Variants in EPM2A observed in about 807,000 individuals in gnomAD.
The protein encoded by EPM2A is EPM2A glucan phosphatase, laforin.
A neutral mutation model predicts 26.5 loss-of-function variants in EPM2A; 21 were observed. The ratio of observed to expected loss-of-function variants is 0.79; its 90% confidence interval spans 0.56 to 1.14. The LOEUF is 1.14. Among genes scored for constraint, EPM2A ranks in the 50% most tolerant of loss-of-function variants. The probability of loss-of-function intolerance (pLI) is 0.00; values close to 1 mark genes in which losing one functional copy is unlikely to be tolerated. For synonymous variants in EPM2A, 217 were observed against 177.6 expected, an observed-to-expected ratio of 1.22 and a Z score of -1.76; for missense variants, 458 against 440.8, an observed-to-expected ratio of 1.04 and a Z score of -0.35.
chr6:145,595,216 T>A (rs1028120037), intron 2 of EPM2A, among the ~76,000 whole-genome samples: 3 of 151,964 alleles, frequency 2.0e-5, no homozygotes, highest in Admixed American at 6.5e-5. Flanking sequence ...TATTTTGTAT[T>A]CTCTATTTTA....
intron 2 of EPM2A, among the ~76,000 whole-genome samples, chr6:145,657,693 A>G (rs1405539001): frequency 6.6e-6 from 1 of 152,246 alleles, no homozygotes; most frequent in Non-Finnish European, 1.5e-5. Flanking sequence ...TGGTGGTCAG[A>G]GGCTGCCACA....
chr6:145,445,519 G>C (rs1370565468), intron 4 of EPM2A, among the ~76,000 whole-genome samples: 1 of 152,192 alleles, frequency 6.6e-6, no homozygotes, highest in Non-Finnish European at 1.5e-5. Context: ...ATGGGAAGGG[G>C]AAGTGTAGGA....
At chr6:145,509,625 G>A (rs966630909) in intron 2 of EPM2A, among the ~76,000 whole-genome samples, 3 of 152,040 alleles carry the variant, frequency 2.0e-5, no homozygotes, top group South Asian at 2.1e-4. Flanking sequence ...TTGCTACCAC[G>A]AAAGCACACA....
At chr6:145,505,793 A>C (rs759031751) in intron 2 of EPM2A, among the ~76,000 whole-genome samples, 1 of 152,238 alleles carries the variant, frequency 6.6e-6, no homozygotes, top group Non-Finnish European at 1.5e-5. Flanking sequence ...ATTATAATGC[A>C]TCACCAAGAT....
intron 1 of EPM2A, among the ~76,000 whole-genome samples, chr6:145,706,762 G>A (rs2128629255): frequency 6.6e-6 from 1 of 152,292 alleles, no homozygotes; most frequent in East Asian, 1.9e-4. Context: ...ATTTTATATT[G>A]TATAATTGCT....
chr6:145,471,442 G>A (rs184477112), intron 4 of EPM2A, among the ~76,000 whole-genome samples: 5 of 152,198 alleles, frequency 3.3e-5, no homozygotes, highest in Non-Finnish European at 7.4e-5. Context: ...ACAATCATGA[G>A]AATGAAAAAT....
intron 4 of EPM2A, among the ~76,000 whole-genome samples, chr6:145,435,856 A>G (rs986480866): frequency 5.9e-5 from 9 of 152,068 alleles, no homozygotes; most frequent in African/African-American, 2.2e-4. Context: ...CTAAAAATAT[A>G]GAGAGTTTTT....
intron 4 of EPM2A, among the ~76,000 whole-genome samples, chr6:145,419,090 G>A (rs950240566): frequency 6.6e-6 from 1 of 151,938 alleles, no homozygotes; most frequent in African/African-American, 2.4e-5. Context: ...TGCAGAATGA[G>A]GATTCTCAAC....
Position 145,627,189 on chromosome 6 carries a change from T to A in EPM2A, c.*227A>T, listed in dbSNP as rs1411883780. 1.1e-5 allele frequency: 16 copies of A among 1,425,214 alleles called. No individual in the cohort carries two copies. Among genetic ancestry groups the A allele is most frequent in the Non-Finnish European group, 1.5e-5 (16 of 1,094,346 alleles). The allele number at this position is 1,425,214 out of a possible 1,614,324, so 88.3% of individuals were successfully genotyped here. A position where few individuals can be genotyped will look rare whatever the true frequency, so the allele number is the denominator to read the frequency against. ...TCTGTCTGATGTACAGCCTAACTGC[T>A]TCGTGCTTCTTCTCATGTGTTGAGC... On this transcript the variant is annotated 3_prime_UTR_variant, in exon 4 of 4. Transcript: ENST00000367519.
chr6:145,665,805 G>C (rs1779134132), intron 2 of EPM2A, among the ~76,000 whole-genome samples: 1 of 129,398 alleles, frequency 7.7e-6, no homozygotes, highest in Admixed American at 8.2e-5. Context: ...ACATCAAAAA[G>C]CTTATCCACC....
intron 2 of EPM2A, among the ~76,000 whole-genome samples, chr6:145,679,721 C>A (rs1462046152): frequency 1.3e-5 from 2 of 152,066 alleles, no homozygotes; most frequent in African/African-American, 4.8e-5. Context: ...CTGCAGGCTT[C>A]TTCGTTTACG....
intron 2 of EPM2A, among the ~76,000 whole-genome samples, chr6:145,522,465 C>A (rs1293274216): frequency 1.3e-5 from 2 of 152,096 alleles, no homozygotes; most frequent in East Asian, 3.9e-4. Flanking sequence ...CCTGGACTTA[C>A]TAGACTCTTC....
intron 4 of EPM2A, among the ~76,000 whole-genome samples, chr6:145,480,181 TAAA>T (rs745471211): frequency 2.1e-5 from 3 of 145,784 alleles, no homozygotes; most frequent in African/African-American, 7.9e-5. Context: ...GTAATTTATT[TAAA>T]AAAAAAAGAG....
At chr6:145,487,828 T>A (rs1161286391) in intron 4 of EPM2A, among the ~76,000 whole-genome samples, 1 of 152,096 alleles carries the variant, frequency 6.6e-6, no homozygotes, top group Non-Finnish European at 1.5e-5. Context: ...TTAGGTAGAT[T>A]CCATTTGTCA....
At chr6:145,538,346 A>T (rs955479825) in intron 2 of EPM2A, among the ~76,000 whole-genome samples, 6 of 152,236 alleles carry the variant, frequency 3.9e-5, no homozygotes, top group Non-Finnish European at 1.5e-5. Flanking sequence ...GAACTTGGAA[A>T]TAAGAGCTAT....
In EPM2A at chr6:145,625,431, T is replaced by A; in HGVS notation, c.*1985A>T. On this transcript the variant is annotated 3_prime_UTR_variant, in exon 4 of 4. Coordinates refer to ENST00000367519, the MANE Select transcript of EPM2A (RefSeq NM_005670.4). ...TTAATAGTCCTAAACTGATTTTGTC[T>A]ATCAGAGCAAAAGGAACAAAGGTAA... 2.2e-6 allele frequency: 1 copy of A among 447,776 alleles called. No individual in the cohort carries two copies. The highest frequency in any genetic ancestry group is 4.0e-6 in the Non-Finnish European group (1 of 250,118). The allele number at this position is 447,776 out of a possible 1,614,324, so 27.7% of individuals were successfully genotyped here.
intron 2 of EPM2A, among the ~76,000 whole-genome samples, chr6:145,587,794 A>G (rs1781217867): frequency 6.6e-6 from 1 of 152,232 alleles, no homozygotes; most frequent in Non-Finnish European, 1.5e-5. Context: ...GGGTTAAAGA[A>G]ACTTTTAGTG....
intron 1 of EPM2A, among the ~76,000 whole-genome samples, chr6:145,709,988 C>A (rs987725692): frequency 1.3e-5 from 2 of 152,128 alleles, no homozygotes; most frequent in Non-Finnish European, 2.9e-5. Context: ...AAAAACTTAA[C>A]TGTTAGACCT....
chr6:145,656,748 C>T (rs117372032), intron 2 of EPM2A, among the ~76,000 whole-genome samples: 1,653 of 152,250 alleles, frequency 0.011, 13 homozygotes, highest in Admixed American at 0.017. Context: ...CATTTTCTCA[C>T]CCAGCATATC....
Sources: gnomAD v4.1 joint callset for allele counts (sites outside exome capture counted in the v4.1 genomes callset) on GRCh38, gnomAD v4.1.1 for gene constraint, MANE v1.5 for transcripts, NCBI Gene and HGNC (gene_info 2026-07-23, HGNC 2026-07-21) for gene names.